The following THSD7B variants were observed in gnomAD, a reference collection of about 807,000 sequenced individuals.
THSD7B encodes thrombospondin type 1 domain containing 7B, also known as thrombospondin type-1 domain-containing protein 7B.
In THSD7B, 138 loss-of-function variants were observed where a neutral mutation model predicts 213.6. The ratio of observed to expected loss-of-function variants is 0.65; its 90% CI spans 0.56 to 0.74. THSD7B has a LOEUF of 0.74. Among genes scored for constraint, THSD7B ranks in the 30% least tolerant of loss-of-function variants. THSD7B has a pLI of 0.00. For synonymous variants in THSD7B, 742 were observed against 687.0 expected (o/e 1.08, Z -1.25); for missense variants, 1,931 against 1,991.5 (o/e 0.97, Z 0.58).
intron 1 of THSD7B, among the ~76,000 whole-genome samples, chr2:136,845,721 G>A (rs1279603818): frequency 2.0e-5 from 3 of 152,204 alleles, no homozygotes; most frequent in African/African-American, 7.2e-5. Context: ...TAGGAGAGGA[G>A]TGGCGGTAGT....
At chr2:137,078,107 G>C (rs911468840) in intron 3 of THSD7B, among the ~76,000 whole-genome samples, 9 of 152,076 alleles carry the variant, frequency 5.9e-5, no homozygotes, top group African/African-American at 1.7e-4. Context: ...TCTTGTTTTT[G>C]TCAGGTTTGT....
At chr2:137,203,708 GTGTGTTTGTGTA>G (rs1189482336) in intron 7 of THSD7B, among the ~76,000 whole-genome samples, 1 of 152,044 alleles carries the variant, frequency 6.6e-6, no homozygotes, top group African/African-American at 2.4e-5. Flanking sequence ...GGAATGAAGG[GTGTGTTTGTGTA>G]TGTGTGTGTG....
chr2:137,078,871 A>G (rs1431704421), intron 3 of THSD7B, among the ~76,000 whole-genome samples: 1 of 152,062 alleles, frequency 6.6e-6, no homozygotes, highest in East Asian at 1.9e-4. Context: ...AGGTTTGTTA[A>G]ATGTAAGCTA....
intron 3 of THSD7B, among the ~76,000 whole-genome samples, chr2:137,077,227 G>A (rs1303063266): frequency 6.6e-6 from 1 of 151,966 alleles, no homozygotes; most frequent in African/African-American, 2.4e-5. Flanking sequence ...GTCTATCATT[G>A]TTGGACATTT....
At chr2:137,294,104 C>G (rs758030869) in intron 12 of THSD7B, among the ~76,000 whole-genome samples, 9 of 152,242 alleles carry the variant, frequency 5.9e-5, no homozygotes, top group Middle Eastern at 3.4e-3. Flanking sequence ...TGGCATCCTT[C>G]TTTCATTCTT....
At chr2:137,172,311 G>A (rs1680268443) in intron 7 of THSD7B, among the ~76,000 whole-genome samples, 1 of 152,152 alleles carries the variant, frequency 6.6e-6, no homozygotes, top group Non-Finnish European at 1.5e-5. Context: ...GTGAGCTTCT[G>A]GATGGGAGAT....
intron 1 of THSD7B, among the ~76,000 whole-genome samples, chr2:136,866,605 C>A (rs188741458): frequency 3.3e-5 from 5 of 152,270 alleles, no homozygotes; most frequent in African/African-American, 9.6e-5. Flanking sequence ...CATTTATTTT[C>A]TTTAAGAATT....
At chr2:137,363,490 G>A (rs958264524) in intron 12 of THSD7B, among the ~76,000 whole-genome samples, 2 of 152,010 alleles carry the variant, frequency 1.3e-5, no homozygotes, top group African/African-American at 4.8e-5. Flanking sequence ...TAGACTGCTA[G>A]CAAGACTAAT....
chr2:137,639,711 A>T (rs565895201), intron 20 of THSD7B, among the ~76,000 whole-genome samples: 1 of 152,270 alleles, frequency 6.6e-6, no homozygotes, highest in South Asian at 2.1e-4. Flanking sequence ...CGTCAGTGTG[A>T]CCTGAAAGTG....
chr2:137,386,799 T>G (rs903870686), intron 12 of THSD7B, among the ~76,000 whole-genome samples: 2 of 152,134 alleles, frequency 1.3e-5, no homozygotes, highest in African/African-American at 4.8e-5. Flanking sequence ...GACCAGCCAT[T>G]TAGTAATAGT....
intron 5 of THSD7B, among the ~76,000 whole-genome samples, chr2:137,158,755 T>C (rs7573893): frequency 0.26 from 40,108 of 152,082 alleles, 5,527 homozygotes; most frequent in Middle Eastern, 0.29. Flanking sequence ...ATTTGACTCT[T>C]ACACGTGTTA....
At chr2:137,498,790 T>C (rs1679633860) in intron 15 of THSD7B, among the ~76,000 whole-genome samples, 1 of 152,144 alleles carries the variant, frequency 6.6e-6, no homozygotes, top group African/African-American at 2.4e-5. Context: ...ATTATCTTCA[T>C]GGTAGCCCTT....
At chr2:137,415,100 G>A (rs1397140909) in intron 14 of THSD7B, among the ~76,000 whole-genome samples, 3 of 150,584 alleles carry the variant, frequency 2.0e-5, no homozygotes, top group African/African-American at 7.3e-5. Flanking sequence ...TGAGACACAG[G>A]ATAATGACCT....
At chr2:137,532,067 A>C (rs905444498) in intron 15 of THSD7B, among the ~76,000 whole-genome samples, 21 of 151,948 alleles carry the variant, frequency 1.4e-4, no homozygotes, top group African/African-American at 4.6e-4. Flanking sequence ...TTGAATGTTA[A>C]AGAAGTGAAT....
At chr2:137,179,288 T>C (rs13014976) in intron 7 of THSD7B, among the ~76,000 whole-genome samples, 8,700 of 152,220 alleles carry the variant, frequency 0.057, 262 homozygotes, top group Admixed American at 0.073. Context: ...AGGGATTAGT[T>C]ATAGCATTAG....
intron 12 of THSD7B, among the ~76,000 whole-genome samples, chr2:137,281,303 A>C (rs1484084030): frequency 6.6e-6 from 1 of 152,036 alleles, no homozygotes; most frequent in Non-Finnish European, 1.5e-5. Flanking sequence ...GGGAAAAAAA[A>C]TTGAGCAAAA....
intron 12 of THSD7B, among the ~76,000 whole-genome samples, chr2:137,403,873 C>T (rs1573605158): frequency 6.6e-6 from 1 of 152,196 alleles, no homozygotes; most frequent in East Asian, 1.9e-4. Context: ...TGGGTAGAGG[C>T]CAGAGATGCT....
At chr2:137,502,701 C>T (rs1235448279) in intron 15 of THSD7B, among the ~76,000 whole-genome samples, 2 of 152,068 alleles carry the variant, frequency 1.3e-5, no homozygotes, top group Non-Finnish European at 2.9e-5. Context: ...TGAGATAGTC[C>T]CCACTTTGAT....
intron 16 of THSD7B, among the ~76,000 whole-genome samples, chr2:137,571,697 T>C (rs1447873014): frequency 6.6e-6 from 1 of 152,216 alleles, no homozygotes; most frequent in Non-Finnish European, 1.5e-5. Context: ...AATAGTGTGA[T>C]TATCTCATTA....
Sources: allele counts gnomAD v4.1 joint callset (sites outside exome capture counted in the v4.1 genomes callset), GRCh38; gene constraint gnomAD v4.1.1; transcripts MANE v1.5; gene names NCBI Gene and HGNC (gene_info 2026-07-23, HGNC 2026-07-21).